The following EPC1 variants were observed in gnomAD, a reference collection of about 807,000 sequenced individuals.
The protein encoded by EPC1 is enhancer of polycomb homolog 1.
Under a neutral mutation model 98.4 loss-of-function variants are expected in EPC1, and 12 were observed. The ratio of observed to expected loss-of-function variants is 0.12; its 90% CI spans 0.08 to 0.20. The LOEUF (loss-of-function observed/expected upper bound fraction) is 0.20, where lower values mean the gene tolerates loss of function less well. Among genes scored for constraint, EPC1 ranks in the 10% least tolerant of loss-of-function variants. The probability of loss-of-function intolerance (pLI) is 1.00; values close to 1 mark genes in which losing one functional copy is unlikely to be tolerated. For missense variants in EPC1, 729 were observed against 990.5 expected, an observed-to-expected ratio of 0.74 and a Z score of 3.54; for synonymous variants, 357 against 363.9, an observed-to-expected ratio of 0.98 and a Z score of 0.21.
chr10:32,376,643 T>C (rs1438632546), intron 1 of EPC1, among the ~76,000 whole-genome samples: 1 of 152,056 alleles, frequency 6.6e-6, no homozygotes, highest in Non-Finnish European at 1.5e-5. Context: ...AGATAGAGTA[T>C]AGAGACACAA....
chr10:32,293,110 T>C lies in EPC1; in HGVS notation c.544A>G (p.Arg182Gly). 1 of 1,613,518 alleles carries C rather than the reference T, an allele frequency of 6.2e-7. No individual in the cohort carries two copies. Among genetic ancestry groups the C allele is most frequent in the Non-Finnish European group, 8.5e-7 (1 of 1,179,582 alleles). Residue 182 changes from arginine (R) to glycine (G), a missense_variant, in exon 4 of 14, where the codon AGA becomes GGA. By Grantham distance (125) the Arg-to-Gly change is moderately radical. This residue lies in a region of EPC1 where 94 missense variants were observed against 125.1 expected (regional missense o/e 0.75). Transcript: ENST00000319778. ...AGAGATGGCCCTCGACAGTTTTTTC[T>C]CTTTTTAATCCAATATTCATAAACT... ...REVYEYWIKK[R>G]KNCRGPSLIP... is the part of the protein sequence containing the mutation.
At chr10:32,349,370 T>C (rs1839044226), upstream of EPC1, among the ~76,000 whole-genome samples, 2 of 152,198 alleles carry the variant, frequency 1.3e-5, no homozygotes, top group African/African-American at 4.8e-5. Context: ...CTAGAGAGTC[T>C]AAAATCACCC....
intron 1 of EPC1, among the ~76,000 whole-genome samples, chr10:32,316,946 G>A (rs1448325861): frequency 6.6e-6 from 1 of 152,202 alleles, no homozygotes; most frequent in Non-Finnish European, 1.5e-5. Context: ...GAATACATGG[G>A]TGATAAAATA....
chr10:32,364,272 G>A (rs1839534913), intron 1 of EPC1, among the ~76,000 whole-genome samples: 1 of 151,860 alleles, frequency 6.6e-6, no homozygotes, highest in Non-Finnish European at 1.5e-5. Flanking sequence ...GTCCTCAGGT[G>A]ATCTGCCCGC....
chr10:32,365,895 G>A (rs1839589875), intron 1 of EPC1, among the ~76,000 whole-genome samples: 1 of 146,500 alleles, frequency 6.8e-6, no homozygotes, highest in South Asian at 2.2e-4. Context: ...GCGCTTTGGG[G>A]GGCCGAGATG....
intron 6 of EPC1, among the ~76,000 whole-genome samples, chr10:32,288,388 C>T (rs575889894): frequency 6.8e-6 from 1 of 148,062 alleles, no homozygotes; most frequent in Admixed American, 6.9e-5. Context: ...GGTATCAGCA[C>T]ACTGCAATCT....
At chr10:32,351,336 G>A (rs1485748129), upstream of EPC1, among the ~76,000 whole-genome samples, 1 of 152,142 alleles carries the variant, frequency 6.6e-6, no homozygotes, top group Non-Finnish European at 1.5e-5. Flanking sequence ...TTTCACTCTA[G>A]CTAGCAGTCT....
At chr10:32,271,496 T>C in intron 13 of EPC1, 58 bp downstream of exon 13, 1 of 1,550,884 alleles carries the variant, frequency 6.4e-7, no homozygotes, top group Non-Finnish European at 8.8e-7. Flanking sequence ...AGAACGATGC[T>C]GGAGGACTGA....
rs747175357 is a variant in EPC1 at position 32,284,733 on chromosome 10, G to A, written c.1709C>T (p.Thr570Met). The A allele has an allele frequency of 1.4e-5, 23 of 1,613,880 alleles. No individual in the cohort carries two copies. Among genetic ancestry groups the A allele is most frequent in the Middle Eastern group, 3.3e-4 (2 of 6,084 alleles). Reference protein sequence around the residue: ...QPGTQTCSTSTQSKSSSGSAH... With the variant: ...QPGTQTCSTSMQSKSSSGSAH... ...TGAACCACTGCTACTTTTACTTTGC[G>A]TAGAGGTACTGCATGTCTGGGTCCC... Residue 570 changes from threonine (T) to methionine (M), a missense_variant, in exon 10 of 14, where the codon ACG (threonine) becomes ATG (methionine). Physicochemically the swap from Thr to Met is moderately conservative, Grantham distance 81. This residue lies in a region of EPC1 where 390 missense variants were observed against 438.6 expected (regional missense o/e 0.89). Transcript: ENST00000319778.
At chr10:32,355,150 GA>G (rs1177259389) in intron 1 of EPC1, among the ~76,000 whole-genome samples, 1 of 152,162 alleles carries the variant, frequency 6.6e-6, no homozygotes, top group Non-Finnish European at 1.5e-5. Context: ...GTGCCAAAAA[GA>G]CTGGGGACCA....
chr10:32,295,844 A>G (rs1835122000), intron 2 of EPC1, among the ~76,000 whole-genome samples: 1 of 152,190 alleles, frequency 6.6e-6, no homozygotes, highest in Admixed American at 6.5e-5. Flanking sequence ...ATCATCATAG[A>G]AAGTTCTATT....
chr10:32,373,291 G>A (rs1391580147), intron 1 of EPC1, among the ~76,000 whole-genome samples: 1 of 152,052 alleles, frequency 6.6e-6, no homozygotes, highest in Non-Finnish European at 1.5e-5. Context: ...TAGCATTTAG[G>A]CTGCAGGCTG....
intron 1 of EPC1, among the ~76,000 whole-genome samples, chr10:32,338,251 TCTCC>T (rs1015912168): frequency 7.2e-5 from 11 of 152,282 alleles, no homozygotes; most frequent in African/African-American, 2.4e-4. Flanking sequence ...GGATTCTCTC[TCTCC>T]ATCTAGTACA....
At chr10:32,308,113 G>A (rs1374967043) in intron 1 of EPC1, among the ~76,000 whole-genome samples, 3 of 152,184 alleles carry the variant, frequency 2.0e-5, no homozygotes, top group Non-Finnish European at 4.4e-5. Context: ...TCGGCTGGAC[G>A]TGGTGGCTCA....
chr10:32,296,906 CAAA>C (rs879816360), intron 2 of EPC1, among the ~76,000 whole-genome samples: 1 of 129,604 alleles, frequency 7.7e-6, no homozygotes, highest in African/African-American at 2.7e-5. Context: ...GACTCCATCT[CAAA>C]AAAAAAAAAA....
intron 2 of EPC1, among the ~76,000 whole-genome samples, chr10:32,296,583 GCTTTT>G (rs1835171921): frequency 6.6e-6 from 1 of 152,118 alleles, no homozygotes; most frequent in African/African-American, 2.4e-5. Flanking sequence ...TCTGCAAGAG[GCTTTT>G]CTTTTATTCA....
At chr10:32,302,241 A>C (rs1835595354) in intron 2 of EPC1, among the ~76,000 whole-genome samples, 1 of 147,298 alleles carries the variant, frequency 6.8e-6, no homozygotes, top group South Asian at 2.1e-4. Context: ...ACTCCGTCTC[A>C]AAAAAAAAAA....
chr10:32,347,353 G>T, upstream of EPC1: 1 of 266,570 alleles, frequency 3.8e-6, no homozygotes, highest in Non-Finnish European at 5.9e-6. Flanking sequence ...TCCGGGGGCG[G>T]ACAGGGCGGA....
At chr10:32,283,722 T>G (rs1226706215) in intron 10 of EPC1, 1 of 152,246 alleles carries the variant, frequency 6.6e-6, no homozygotes, top group East Asian at 1.9e-4. Context: ...AATGGACTAA[T>G]GGACTGTTTA....
Sources: gnomAD v4.1 joint callset for allele counts (sites outside exome capture counted in the v4.1 genomes callset) on GRCh38, gnomAD v4.1.1 for gene constraint, gnomAD v4.1.1 regional missense constraint, MANE v1.5 for transcripts, NCBI Gene and HGNC (gene_info 2026-07-23, HGNC 2026-07-21) for gene names.